MYBPC2: variants seen among roughly 807,000 people sequenced by gnomAD.
The protein encoded by MYBPC2 is myosin-binding protein C, fast-type.
A neutral mutation model predicts 137.0 loss-of-function variants in MYBPC2; 122 were observed. That is an observed-to-expected ratio of 0.89 (90% CI 0.77 to 1.03). The LOEUF is 1.03. MYBPC2 is among the 50% of genes least tolerant of loss of function. MYBPC2 has a pLI of 0.00. For missense variants in MYBPC2, 1,500 were observed against 1,534.4 expected (o/e 0.98, Z 0.37); for synonymous variants, 626 against 612.3 (o/e 1.02, Z -0.33).
In MYBPC2 at chr19:50,450,850, T is replaced by C. The variant is rs2039849117; in HGVS notation, c.1494T>C (p.Asp498=). The C allele has an allele frequency of 1.9e-6, 3 of 1,574,510 alleles. No individual in the cohort carries two copies. Among genetic ancestry groups the C allele is most frequent in the Non-Finnish European group, 8.6e-7 (1 of 1,160,292 alleles). ...TTAGGTTCCACAAGCTGGTGATCGA[T>C]GACGTCCGCCCCGAGGATGAGGGAG... is the stretch of plus-strand genomic sequence containing the variant. ...HVGRFHKLVI[D]DVRPEDEGDY... Residue 498 remains aspartate (D), a synonymous_variant, in exon 14 of 28, where the codon GAT becomes GAC. Transcript: ENST00000357701.
At chr19:50,460,927 G>A (rs1366428751) in intron 24 of MYBPC2, among the ~76,000 whole-genome samples, 1 of 151,958 alleles carries the variant, frequency 6.6e-6, no homozygotes, top group African/African-American at 2.4e-5. Flanking sequence ...CTGGACCCAA[G>A]TCATCCTCCC....
In MYBPC2 at chr19:50,440,980, G is replaced by T; in HGVS notation, c.673G>T (p.Glu225Ter). The stretch of plus-strand genomic sequence containing the variant: ...GCTCCTGAAAGGGGCAAAGAAGAGC[G>T]AGTACGAGAAAATCGCCTTCCAGTA... ...WELLKGAKKS[E>*]YEKIAFQYGI... The change falls in exon 8 of 28, where the codon GAG (glutamate) becomes TAG (stop). Residue 225 changes from glutamate to a stop codon, truncating the protein, a stop_gained. Transcript: ENST00000357701. LOFTEE classifies it high-confidence loss of function. The T allele has an allele frequency of 6.2e-7, 1 of 1,613,596 alleles. No homozygotes were observed. Among genetic ancestry groups the T allele is most frequent in the African/African-American group, 1.3e-5 (1 of 75,008 alleles).
intron 11 of MYBPC2, among the ~76,000 whole-genome samples, chr19:50,445,385 C>T (rs1350476026): frequency 6.6e-6 from 1 of 151,224 alleles, no homozygotes; most frequent in Non-Finnish European, 1.5e-5. Flanking sequence ...TCCTCTCTCT[C>T]CTCACTGCCT....
intron 16 of MYBPC2, 92 bp from the exon 17 acceptor site, chr19:50,453,928 T>A: frequency 7.2e-7 from 1 of 1,385,068 alleles, no homozygotes; most frequent in South Asian, 1.4e-5. Flanking sequence ...TGGGGAATCA[T>A]GGGAGGATTC....
At position 50,453,973 on chromosome 19, in the gene MYBPC2, G is replaced by T. The variant is rs922196559; in HGVS notation, c.1750-47G>T. 6.5e-6 allele frequency: 10 copies of T among 1,543,722 alleles called. No homozygotes were observed. In the Admixed American group the frequency reaches 1.2e-4, roughly 18 times the overall value. ...GAATGGCAGAGGCAGGCCTGGGTTTGCTTGGGGACACGATGGGGTGCAAGG... is the reference window on the plus strand; with the variant it reads ...GAATGGCAGAGGCAGGCCTGGGTTTTCTTGGGGACACGATGGGGTGCAAGG... On this transcript the variant is annotated intron_variant, in intron 16 of 27. Coordinates refer to ENST00000357701, the MANE Select transcript of MYBPC2 (RefSeq NM_004533.4).
intron 20 of MYBPC2, among the ~76,000 whole-genome samples, chr19:50,457,019 C>G (rs1289750683): frequency 1.3e-5 from 2 of 152,206 alleles, no homozygotes; most frequent in African/African-American, 4.8e-5. Context: ...ACACACTATC[C>G]CAGGTCTTAA....
In MYBPC2 at chr19:50,454,182, G is replaced by A. The variant is rs368807018; in HGVS notation, c.1909+3G>A. ...TTCCATCTTCCTGCAAGTTGTAGGT[G>A]AGCAGAGAAAGCCGAGGTGGCTGGG... On this transcript the variant is annotated splice_donor_region_variant and intron_variant, in intron 17 of 27. Transcript: ENST00000357701. 5.6e-6 allele frequency: 9 copies of A among 1,613,898 alleles called. No homozygotes were observed. Among genetic ancestry groups the A allele is most frequent in the Non-Finnish European group, 7.6e-6 (9 of 1,179,872 alleles).
chr19:50,440,943 G>A lies in MYBPC2; in HGVS notation c.636G>A (p.Pro212=), dbSNP rs760402417. The A allele has an allele frequency of 6.8e-5, 110 of 1,613,732 alleles. No individual in the cohort carries two copies. The highest frequency in any genetic ancestry group is 8.8e-5 in the Non-Finnish European group (104 of 1,179,830). Residue 212 remains proline, a synonymous_variant, in exon 8 of 28, where the codon CCG becomes CCA. Transcript: ENST00000357701. ...ATGACGATGACCTAGGCATCCCCCC[G>A]GAGATTTGGGAGCTCCTGAAAGGGG... ...KKDDDDLGIP[P]EIWELLKGAK...
intron 26 of MYBPC2, among the ~76,000 whole-genome samples, chr19:50,464,079 G>C (rs1428828328): frequency 6.6e-6 from 1 of 152,178 alleles, no homozygotes; most frequent in African/African-American, 2.4e-5. Context: ...GGGGGTCAAA[G>C]AGTGTGGGAC....
At chr19:50,456,853 C>A (rs2039919117) in intron 20 of MYBPC2, among the ~76,000 whole-genome samples, 1 of 152,016 alleles carries the variant, frequency 6.6e-6, no homozygotes. Context: ...TGTCTCTCTG[C>A]CTGTCCATCC....
chr19:50,452,500 G>GTATCTATC (rs1456535214), intron 16 of MYBPC2, among the ~76,000 whole-genome samples: 14,729 of 92,924 alleles, frequency 0.16, 889 homozygotes, highest in Non-Finnish European at 0.19. Flanking sequence ...ATGTATGTAT[G>GTATCTATC]TATGTATGTA....
At position 50,451,253 on chromosome 19, in the gene MYBPC2, A is replaced by T. The variant is rs750208252; in HGVS notation, c.1580-27A>T. 9.9e-6 allele frequency: 16 copies of T among 1,613,266 alleles called. No individual in the cohort carries two copies. The East Asian group carries it at 2.2e-4, about 22-fold the overall frequency. On this transcript the variant is annotated intron_variant, in intron 14 of 27. Coordinates refer to ENST00000357701, the MANE Select transcript of MYBPC2 (RefSeq NM_004533.4). ...TGAGGGGCCTGCTGAGTTTAGACCT[A>T]ACTGTCCAGTCTTCTTTGTCTTGCA...
intron 27 of MYBPC2, among the ~76,000 whole-genome samples, 172 bp downstream of exon 27, chr19:50,464,704 T>C (rs527491156): frequency 2.0e-5 from 3 of 152,070 alleles, no homozygotes; most frequent in African/African-American, 7.2e-5. Context: ...ATCCTAGGAG[T>C]TGGGGTTGGG....
chr19:50,464,475 T>G lies in MYBPC2; in HGVS notation c.3358T>G (p.Cys1120Gly), dbSNP rs764050492. ...PSPFDAGTYT[C>G]RAVNELGEAL... Reference sequence around the variant, plus strand: ...GCCCTTCGACGCTGGGACTTACACCTGCCGGGCCGTCAACGAGCTGGGCGA... The same window carrying G: ...GCCCTTCGACGCTGGGACTTACACCGGCCGGGCCGTCAACGAGCTGGGCGA... The change falls in exon 27 of 28, where the codon TGC becomes GGC. Residue 1120 changes from cysteine to glycine, a missense_variant. Coordinates refer to ENST00000357701, the MANE Select transcript of MYBPC2 (RefSeq NM_004533.4). The G allele has an allele frequency of 1.6e-5, 26 of 1,613,046 alleles. No homozygotes were observed. The Admixed American group carries it at 4.2e-4, about 26-fold the overall frequency.
intron 4 of MYBPC2, 96 bp downstream of exon 4, chr19:50,436,256 G>T: frequency 6.7e-7 from 1 of 1,481,622 alleles, no homozygotes; most frequent in South Asian, 1.4e-5. Context: ...ATCAATGTGG[G>T]CCTGGAGCCG....
chr19:50,450,756 T>C lies in MYBPC2; in HGVS notation c.1473-73T>C, dbSNP rs1440501253. 14 of 1,083,214 alleles carry C rather than the reference T, an allele frequency of 1.3e-5. No homozygotes were observed. In the East Asian group the frequency reaches 1.3e-4, roughly 10 times the overall value. 67.1% of individuals were successfully genotyped at this position (1,083,214 alleles called of 1,614,324 possible). A position where few individuals can be genotyped will look rare whatever the true frequency, so the allele number is the denominator to read the frequency against. On this transcript the variant is annotated intron_variant, in intron 13 of 27. Transcript: ENST00000357701. ...TGTGGACTGCACTGAGGGAAGCTGA[T>C]TGAGGCGGTGCAGCCCCATAGTGGT...
intron 17 of MYBPC2, 27 bp from the exon 18 acceptor site, chr19:50,454,238 G>T: frequency 6.2e-7 from 1 of 1,613,830 alleles, no homozygotes; most frequent in Non-Finnish European, 8.5e-7. Flanking sequence ...GCCTCGAGGG[G>T]CCACCTGACT....
In MYBPC2 at chr19:50,455,054, C is replaced by T. The variant is rs1212243405; in HGVS notation, c.2015-54C>T. On this transcript the variant is annotated intron_variant, in intron 18 of 27. Transcript: ENST00000357701. ...ATGTGGCCCTCACTCCCCCAGCTGA[C>T]TCATGCCCCATGCCCTCCCGTTCCC... 1.2e-5 allele frequency: 18 copies of T among 1,518,076 alleles called. No individual in the cohort carries two copies. The East Asian group carries it at 4.1e-4, about 34-fold the overall frequency. The allele number at this position is 1,518,076 out of a possible 1,614,324, so 94.0% of individuals were successfully genotyped here.
At chr19:50,460,354 T>G (rs183360839) in intron 24 of MYBPC2, among the ~76,000 whole-genome samples, 175 bp downstream of exon 24, 1 of 152,278 alleles carries the variant, frequency 6.6e-6, no homozygotes, top group Admixed American at 6.5e-5. Flanking sequence ...TTCATTTTCT[T>G]TTTTCACTGA....
Sources: allele counts gnomAD v4.1 joint callset (sites outside exome capture counted in the v4.1 genomes callset), GRCh38; gene constraint gnomAD v4.1.1; transcripts MANE v1.5; gene names NCBI Gene and HGNC (gene_info 2026-07-23, HGNC 2026-07-21).